The following APBA2 variants were observed in gnomAD, a reference collection of about 807,000 sequenced individuals.
The protein encoded by APBA2 is amyloid-beta A4 precursor protein-binding family A member 2.
Under a neutral mutation model 75.0 loss-of-function variants are expected in APBA2, and 30 were observed. The ratio of observed to expected loss-of-function variants is 0.40; its 90% CI spans 0.30 to 0.54. APBA2 has a LOEUF of 0.54. Among genes scored for constraint, APBA2 ranks in the 20% least tolerant of loss-of-function variants. The probability of loss-of-function intolerance (pLI) is 0.49; values close to 1 mark genes in which losing one functional copy is unlikely to be tolerated. For missense variants in APBA2, 801 were observed against 1,016.1 expected (o/e 0.79, Z 2.88); for synonymous variants, 444 against 409.6 (o/e 1.08, Z -1.01).
chr15:28,973,056 G>A (rs1314911284), intron 2 of APBA2, among the ~76,000 whole-genome samples: 1 of 152,216 alleles, frequency 6.6e-6, no homozygotes. Flanking sequence ...GACATCTGCA[G>A]ACTGAGGCAC....
intron 2 of APBA2, among the ~76,000 whole-genome samples, chr15:28,969,029 C>T (rs997036196): frequency 2.6e-5 from 4 of 152,034 alleles, no homozygotes; most frequent in East Asian, 1.9e-4. Flanking sequence ...CCAGCACTCT[C>T]GGAAGTCAAG....
At chr15:28,921,381 A>T (rs2033961736) in intron 1 of APBA2, among the ~76,000 whole-genome samples, 1 of 152,188 alleles carries the variant, frequency 6.6e-6, no homozygotes, top group South Asian at 2.1e-4. Context: ...TGACCTTTGG[A>T]AATAAACACG....
intron 2 of APBA2, among the ~76,000 whole-genome samples, chr15:28,959,964 T>G (rs11636182): frequency 6.6e-6 from 1 of 151,846 alleles, no homozygotes; most frequent in Non-Finnish European, 1.5e-5. Context: ...GGCAACATGG[T>G]GAAACGCCAT....
At position 29,054,331 on chromosome 15, in the gene APBA2, C is replaced by T. The variant is rs1240537575; in HGVS notation, c.447C>T (p.Pro149=). ...EEWTDSAGPH[P]HGHEAEGSQD... ...GGACGGACTCGGCGGGCCCGCACCC[C>T]CACGGCCACGAGGCTGAAGGCAGCC... Residue 149 remains proline (P), a synonymous_variant, in exon 4 of 15, where the codon CCC becomes CCT. Transcript: ENST00000683413. This position sits in a 1 kb window ranked among gnomAD's most constrained non-coding sequence, Gnocchi z 6.1. 6.8e-6 allele frequency: 11 copies of T among 1,613,912 alleles called. No individual in the cohort carries two copies. Among genetic ancestry groups the T allele is most frequent in the Non-Finnish European group, 9.3e-6 (11 of 1,180,010 alleles).
chr15:28,910,824 G>A (rs2033394782), intron 1 of APBA2, among the ~76,000 whole-genome samples: 1 of 152,110 alleles, frequency 6.6e-6, no homozygotes, highest in Non-Finnish European at 1.5e-5. Context: ...AGTTCTAATA[G>A]TGTGTCTGCT....
intron 2 of APBA2, among the ~76,000 whole-genome samples, chr15:28,947,989 C>T (rs2035639395): frequency 6.6e-6 from 1 of 152,224 alleles, no homozygotes; most frequent in Non-Finnish European, 1.5e-5. Flanking sequence ...CAAGTCGTGG[C>T]TCTAGGTTGG....
chr15:29,010,631 T>A (rs142670194), intron 3 of APBA2, among the ~76,000 whole-genome samples: 82 of 152,300 alleles, frequency 5.4e-4, no homozygotes, highest in Admixed American at 8.5e-4. Context: ...TCACACTTTC[T>A]CACGTTCAGT....
At chr15:29,084,524 T>C (rs1174641760) in intron 6 of APBA2, among the ~76,000 whole-genome samples, 1 of 152,232 alleles carries the variant, frequency 6.6e-6, no homozygotes, top group Non-Finnish European at 1.5e-5. Context: ...AAATATTTCA[T>C]ATTGTATCTC....
At chr15:28,979,811 C>T (rs1213674057) in intron 2 of APBA2, among the ~76,000 whole-genome samples, 1 of 152,108 alleles carries the variant, frequency 6.6e-6, no homozygotes, top group African/African-American at 2.4e-5. Context: ...TCCTCATGCT[C>T]AGGTTCAAAA....
chr15:28,966,118 T>A (rs1306083230), intron 2 of APBA2, among the ~76,000 whole-genome samples: 1 of 152,172 alleles, frequency 6.6e-6, no homozygotes, highest in Non-Finnish European at 1.5e-5. Context: ...TGACCCAGGA[T>A]ATGGTCTATC....
intron 3 of APBA2, among the ~76,000 whole-genome samples, chr15:29,041,062 T>G (rs2041017680): frequency 6.6e-6 from 1 of 151,840 alleles, no homozygotes; most frequent in Non-Finnish European, 1.5e-5. Flanking sequence ...AATTTTAGAA[T>G]GAAGTAAAAA....
chr15:28,936,818 G>A (rs1235664798), intron 2 of APBA2, among the ~76,000 whole-genome samples: 1 of 152,148 alleles, frequency 6.6e-6, no homozygotes, highest in African/African-American at 2.4e-5. Flanking sequence ...GACTTGGTGG[G>A]GGATGGGAGG....
intron 6 of APBA2, among the ~76,000 whole-genome samples, chr15:29,077,595 G>A (rs2042906443): frequency 6.6e-6 from 1 of 152,142 alleles, no homozygotes. Flanking sequence ...AGAAGACTTG[G>A]TTCCCTGCAC....
At chr15:28,960,135 T>C (rs1595571439) in intron 2 of APBA2, among the ~76,000 whole-genome samples, 2 of 121,422 alleles carry the variant, frequency 1.6e-5, no homozygotes, top group Admixed American at 9.8e-5. Context: ...GGTGACAGAG[T>C]GAGACCTTGT....
chr15:29,010,043 C>G (rs149387327), intron 3 of APBA2, among the ~76,000 whole-genome samples: 56 of 152,246 alleles, frequency 3.7e-4, no homozygotes, highest in African/African-American at 1.3e-3. Context: ...TTCATTTGCT[C>G]CACATCCTTG....
chr15:29,089,578 C>G (rs2043456008), intron 6 of APBA2, among the ~76,000 whole-genome samples: 1 of 152,164 alleles, frequency 6.6e-6, no homozygotes, highest in Non-Finnish European at 1.5e-5. Context: ...GTCCACCACC[C>G]ATGTTCAGGA....
intron 3 of APBA2, among the ~76,000 whole-genome samples, chr15:29,007,138 A>ATTTT: frequency 6.6e-6 from 1 of 152,332 alleles, no homozygotes; most frequent in South Asian, 2.1e-4. Context: ...TTTGACAAGG[A>ATTTT]TTTCAAGGTC....
intron 3 of APBA2, among the ~76,000 whole-genome samples, chr15:29,025,493 CGAT>C: frequency 6.9e-6 from 1 of 144,416 alleles, no homozygotes; most frequent in East Asian, 2.2e-4. Context: ...GGTCTCGATT[CGAT>C]CTCTTGACCT....
chr15:28,978,404 C>T (rs1197758045), intron 2 of APBA2, among the ~76,000 whole-genome samples: 3 of 152,154 alleles, frequency 2.0e-5, no homozygotes, highest in Non-Finnish European at 4.4e-5. Context: ...AGCTTTGAGC[C>T]GCCAGAGCTA....
Sources: allele counts gnomAD v4.1 joint callset (sites outside exome capture counted in the v4.1 genomes callset), GRCh38; gene constraint gnomAD v4.1.1; non-coding constraint Gnocchi (gnomAD v3.1); transcripts MANE v1.5; gene names NCBI Gene and HGNC (gene_info 2026-07-23, HGNC 2026-07-21).